Variants in SLAIN1 observed in about 807,000 individuals in gnomAD.
The protein encoded by SLAIN1 is SLAIN motif-containing protein 1.
A neutral mutation model predicts 55.4 loss-of-function variants in SLAIN1; 17 were observed. The observed-to-expected ratio is 0.31, with a 90% CI of 0.21 to 0.46. The LOEUF is 0.46. Among genes scored for constraint, SLAIN1 ranks in the 20% least tolerant of loss-of-function variants. The pLI, the probability that SLAIN1 is intolerant of heterozygous loss-of-function variation, is 1.00. For synonymous variants in SLAIN1, 348 were observed against 337.4 expected (o/e 1.03, Z -0.35); for missense variants, 682 against 785.1 (o/e 0.87, Z 1.57).
At chr13:77,726,057 C>T (rs1054148567) in intron 2 of SLAIN1, among the ~76,000 whole-genome samples, 14 of 152,108 alleles carry the variant, frequency 9.2e-5, no homozygotes, top group African/African-American at 3.1e-4. Context: ...TGACCCTGGA[C>T]CTAGATAACA....
Position 77,698,999 on chromosome 13 carries a change from C to T in SLAIN1, c.626+460C>T, listed in dbSNP as rs560948962. 69 of 1,534,970 alleles carry T rather than the reference C, an allele frequency of 4.5e-5. No individual in the cohort carries two copies. In the Admixed American group the frequency reaches 7.8e-4, roughly 17 times the overall value. ...ACGAACGCTGGACAGGATTTGCGTG[C>T]TCTTCCTCCTCGGGTGGCATCGGAA... On this transcript the variant is annotated intron_variant, in intron 1 of 6. Transcript: ENST00000418532. This position sits in a 1 kb window ranked among gnomAD's most constrained non-coding sequence, Gnocchi z 4.1.
At chr13:77,744,651 G>C (rs999925784) in intron 3 of SLAIN1, 18 of 662,528 alleles carry the variant, frequency 2.7e-5, no homozygotes, top group Non-Finnish European at 4.6e-5. Context: ...GGACATTGCT[G>C]GTATTGTCAC....
chr13:77,716,527 T>C (rs1300514700), intron 1 of SLAIN1, among the ~76,000 whole-genome samples: 1 of 152,160 alleles, frequency 6.6e-6, no homozygotes, highest in African/African-American at 2.4e-5. Context: ...TCTCTCCAGT[T>C]ATGTCCTCTT....
intron 1 of SLAIN1, among the ~76,000 whole-genome samples, chr13:77,718,289 G>C (rs922387547): frequency 6.6e-6 from 1 of 152,042 alleles, no homozygotes; most frequent in African/African-American, 2.4e-5. Flanking sequence ...AAAACTATGG[G>C]AAATTCAACT....
intron 5 of SLAIN1, 28 bp downstream of exon 5, chr13:77,753,386 A>ATAT (rs1356277005): frequency 1.7e-6 from 2 of 1,153,276 alleles, no homozygotes; most frequent in East Asian, 6.3e-5. Context: ...ATATAATTAT[A>ATAT]TATTGTATAA....
At chr13:77,732,487 C>T (rs558412396) in intron 2 of SLAIN1, among the ~76,000 whole-genome samples, 50 of 150,300 alleles carry the variant, frequency 3.3e-4, no homozygotes, top group African/African-American at 1.0e-3. Context: ...TGGAAGCAGC[C>T]GTCTGTAATC....
At chr13:77,757,430 T>C (rs1874681617) in intron 5 of SLAIN1, among the ~76,000 whole-genome samples, 1 of 152,062 alleles carries the variant, frequency 6.6e-6, no homozygotes, top group Non-Finnish European at 1.5e-5. Context: ...GTATCAACAT[T>C]TCTTTTTTTT....
At chr13:77,699,735 T>C (rs768783354) in intron 1 of SLAIN1, among the ~76,000 whole-genome samples, 20 of 152,230 alleles carry the variant, frequency 1.3e-4, no homozygotes, top group Non-Finnish European at 2.5e-4. Flanking sequence ...AGAGGTGTAT[T>C]CATCATCCAC....
At chr13:77,713,879 G>A (rs2091178712) in intron 1 of SLAIN1, among the ~76,000 whole-genome samples, 1 of 152,096 alleles carries the variant, frequency 6.6e-6, no homozygotes, top group Non-Finnish European at 1.5e-5. Context: ...GCAGGGACAT[G>A]GATGAAGCTG....
At chr13:77,742,066 T>G (rs1873480010) in intron 2 of SLAIN1, among the ~76,000 whole-genome samples, 2 of 151,936 alleles carry the variant, frequency 1.3e-5, no homozygotes, top group South Asian at 4.1e-4. Context: ...TGGTGTGACT[T>G]AAGCTTTTAT....
intron 2 of SLAIN1, among the ~76,000 whole-genome samples, chr13:77,739,517 T>A (rs912501130): frequency 6.6e-6 from 1 of 152,098 alleles, no homozygotes; most frequent in African/African-American, 2.4e-5. Context: ...ACCGACCTTT[T>A]GAGTCTTCTA....
At chr13:77,718,037 G>A (rs951070701) in intron 1 of SLAIN1, among the ~76,000 whole-genome samples, 8 of 151,546 alleles carry the variant, frequency 5.3e-5, no homozygotes, top group Non-Finnish European at 1.2e-4. Flanking sequence ...TGGGGCCCAA[G>A]AATATGATTT....
intron 1 of SLAIN1, among the ~76,000 whole-genome samples, chr13:77,713,784 A>G (rs945447711): frequency 1.3e-5 from 2 of 152,242 alleles, no homozygotes; most frequent in African/African-American, 2.4e-5. Context: ...ATGCCCATCA[A>G]TAGTAGACTG....
At chr13:77,747,011 C>T (rs1873877371) in intron 4 of SLAIN1, among the ~76,000 whole-genome samples, 156 bp downstream of exon 4, 1 of 152,178 alleles carries the variant, frequency 6.6e-6, no homozygotes. Flanking sequence ...ACTGCAACCT[C>T]CACCTCCTAG....
chr13:77,704,284 A>G (rs2091069908), intron 1 of SLAIN1, among the ~76,000 whole-genome samples: 1 of 143,056 alleles, frequency 7.0e-6, no homozygotes, highest in Non-Finnish European at 1.5e-5. Context: ...GAAAATATAT[A>G]CATAGGTTTT....
At chr13:77,763,117 T>C (rs1009277119) in intron 6 of SLAIN1, 28 bp from the exon 7 acceptor site, 1 of 1,586,398 alleles carries the variant, frequency 6.3e-7, no homozygotes, top group Non-Finnish European at 8.7e-7. Context: ...TAACAATCTC[T>C]CTCTCTGTTT....
chr13:77,724,846 C>T (rs138259052), intron 2 of SLAIN1, among the ~76,000 whole-genome samples: 183 of 152,136 alleles, frequency 1.2e-3, no homozygotes, highest in African/African-American at 4.2e-3. Flanking sequence ...CCCAGTAACT[C>T]GTCATTTTAT....
chr13:77,714,026 G>GCA (rs2091180603), intron 1 of SLAIN1, among the ~76,000 whole-genome samples: 1 of 151,904 alleles, frequency 6.6e-6, no homozygotes, highest in Admixed American at 6.6e-5. Context: ...CTGTCGAGGG[G>GCA]TGGGGGGCTA....
intron 1 of SLAIN1, among the ~76,000 whole-genome samples, chr13:77,715,479 G>T (rs1008835942): frequency 1.3e-5 from 2 of 152,190 alleles, no homozygotes; most frequent in African/African-American, 4.8e-5. Flanking sequence ...GGAACAGAGA[G>T]TAAGTGTAGG....
Sources: gnomAD v4.1 joint callset for allele counts (sites outside exome capture counted in the v4.1 genomes callset) on GRCh38, gnomAD v4.1.1 for gene constraint, Gnocchi (gnomAD v3.1) non-coding constraint, MANE v1.5 for transcripts, NCBI Gene and HGNC (gene_info 2026-07-23, HGNC 2026-07-21) for gene names.